Variants in XPNPEP1 observed in about 807,000 individuals in gnomAD.
XPNPEP1 encodes xaa-Pro aminopeptidase 1.
In XPNPEP1, 39 loss-of-function variants were observed where a neutral mutation model predicts 92.4. The ratio of observed to expected loss-of-function variants is 0.42; its 90% CI spans 0.33 to 0.55. The LOEUF (loss-of-function observed/expected upper bound fraction) is 0.55. XPNPEP1 is among the 20% of genes least tolerant of loss of function. The probability of loss-of-function intolerance (pLI) is 0.08; values close to 1 mark genes in which losing one functional copy is unlikely to be tolerated. For missense variants in XPNPEP1, 654 were observed against 856.1 expected (o/e 0.76, Z 2.95); for synonymous variants, 307 against 299.4 (o/e 1.03, Z -0.26).
chr10:109,882,663 G>A, intron 9 of XPNPEP1, 21 bp from the exon 10 acceptor site: 1 of 1,612,990 alleles, frequency 6.2e-7, no homozygotes, highest in Admixed American at 1.7e-5. Flanking sequence ...AGGAGAGGTG[G>A]GTGGCAGAAA....
chr10:109,902,773 C>T (rs1849353326), intron 3 of XPNPEP1, among the ~76,000 whole-genome samples: 1 of 152,208 alleles, frequency 6.6e-6, no homozygotes, highest in African/African-American at 2.4e-5. Context: ...TTTGTATTTT[C>T]AGGATGTTGC....
At position 109,864,852 on chromosome 10, in the gene XPNPEP1, C is replaced by T. The variant is rs1209564361; in HGVS notation, c.*332G>A. ...ATGAATGATGTACTAGCACCTGGAA[C>T]ATGACCATCATGGAGCACTCACTGA... On this transcript the variant is annotated 3_prime_UTR_variant, in exon 21 of 21. Coordinates refer to ENST00000502935, the MANE Select transcript of XPNPEP1 (RefSeq NM_020383.4). 3.0e-6 allele frequency: 1 copy of T among 334,032 alleles called. No individual in the cohort carries two copies. The highest frequency in any genetic ancestry group is 5.7e-6 in the Non-Finnish European group (1 of 174,042). 20.7% of individuals were successfully genotyped at this position (334,032 alleles called of 1,614,324 possible).
chr10:109,914,956 G>T, intron 2 of XPNPEP1, 55 bp downstream of exon 2: 1 of 1,202,502 alleles, frequency 8.3e-7, no homozygotes, highest in Non-Finnish European at 1.2e-6. Flanking sequence ...GGGTTGGGGT[G>T]GAGATCTAAA....
At position 109,875,516 on chromosome 10, in the gene XPNPEP1, T is replaced by C. The variant is rs1340011043; in HGVS notation, c.1391+12A>G. The C allele has an allele frequency of 1.9e-6, 3 of 1,613,630 alleles. No homozygotes were observed. The highest frequency in any genetic ancestry group is 2.5e-6 in the Non-Finnish European group (3 of 1,179,676). On this transcript the variant is annotated intron_variant, in intron 15 of 20. Transcript: ENST00000502935. ...CCATAGTCAAGTTCCACAGCAGTCC[T>C]GGTTTACTTACTTGTATTGAGCACC...
intron 20 of XPNPEP1, among the ~76,000 whole-genome samples, chr10:109,866,871 G>C (rs1488963159): frequency 6.6e-6 from 1 of 152,252 alleles, no homozygotes; most frequent in East Asian, 1.9e-4. Flanking sequence ...GCAAGGTGCA[G>C]CAATGAAACA....
At chr10:109,878,778 A>T (rs1028513767) in intron 12 of XPNPEP1, among the ~76,000 whole-genome samples, 1 of 151,876 alleles carries the variant, frequency 6.6e-6, no homozygotes, top group Non-Finnish European at 1.5e-5. Flanking sequence ...CGGGAGGCTG[A>T]GGTGGGAGGA....
In XPNPEP1 at chr10:109,873,537, T is replaced by C. The variant is rs1289052350; in HGVS notation, c.1392-110A>G. The C allele has an allele frequency of 3.1e-6, 4 of 1,299,306 alleles. No individual in the cohort carries two copies. The African/African-American group carries it at 5.8e-5, about 19-fold the overall frequency. 80.5% of individuals were successfully genotyped at this position (1,299,306 alleles called of 1,614,324 possible). A position where few individuals can be genotyped will look rare whatever the true frequency, so the allele number is the denominator to read the frequency against. ...AAGCCCCATACAATGCTGGTGGGCA[T>C]GTAAAATAGCACAGCCATCTTTGCA... On this transcript the variant is annotated intron_variant, in intron 15 of 20. Transcript: ENST00000502935.
chr10:109,873,523 A>G (rs1295226681), intron 15 of XPNPEP1, 96 bp from the exon 16 acceptor site: 2 of 1,442,898 alleles, frequency 1.4e-6, no homozygotes, highest in Non-Finnish European at 1.9e-6. Flanking sequence ...AGCCCCATAC[A>G]ATGCTGGTGG....
chr10:109,911,716 C>T (rs1228164860), intron 2 of XPNPEP1, among the ~76,000 whole-genome samples: 1 of 152,236 alleles, frequency 6.6e-6, no homozygotes, highest in Non-Finnish European at 1.5e-5. Context: ...CACATTAGGA[C>T]TATCCGGGAA....
At position 109,868,708 on chromosome 10, in the gene XPNPEP1, T is replaced by G. The variant is rs1203044265; in HGVS notation, c.1778A>C (p.Asn593Thr). ...VLVVPVKTKY[N>T]FNNRGSLTFE... ...GGTCAGGCTTCCCCGGTTATTAAAA[T>G]TATACTGCGGGAGAAAGAAGAAAAC... is the stretch of plus-strand genomic sequence containing the variant. The change falls in exon 20 of 21, where the codon AAT (asparagine) becomes ACT (threonine). Residue 593 changes from asparagine to threonine, a missense_variant. Asn to Thr is a moderately conservative substitution (Grantham distance 65). Coordinates refer to ENST00000502935, the MANE Select transcript of XPNPEP1 (RefSeq NM_020383.4). The G allele has an allele frequency of 6.2e-7, 1 of 1,613,664 alleles. No homozygotes were observed. Among genetic ancestry groups the G allele is most frequent in the South Asian group, 1.1e-5 (1 of 91,074 alleles).
At chr10:109,887,925 A>G in intron 7 of XPNPEP1, 124 bp downstream of exon 7, 1 of 1,386,676 alleles carries the variant, frequency 7.2e-7, no homozygotes, top group Non-Finnish European at 9.6e-7. Context: ...ACTGGGGCAG[A>G]GTAGGGCAAA....
intron 5 of XPNPEP1, among the ~76,000 whole-genome samples, chr10:109,890,611 A>T (rs1490287474): frequency 4.0e-5 from 6 of 151,596 alleles, no homozygotes; most frequent in Admixed American, 2.6e-4. Context: ...AGAGAGAGAG[A>T]GAGAGAGAGA....
Position 109,888,592 on chromosome 10 carries a change from A to T in XPNPEP1, c.419T>A (p.Leu140Gln). ...GTCTTCCTGAGTTGGTGTGTCCTTC[A>T]GACCTACAGGGGGAAGAAATGATAA... ...DSNWTLMKMG[L>Q]KDTPTQEDWL... The change falls in exon 6 of 21, where the codon CTG (leucine) becomes CAG (glutamine). Residue 140 changes from leucine to glutamine, a missense_variant. Leu to Gln is a moderately radical substitution (Grantham distance 113). Transcript: ENST00000502935. 1 of 1,602,794 alleles carries T rather than the reference A, an allele frequency of 6.2e-7. No homozygotes were observed. The highest frequency in any genetic ancestry group is 2.2e-5 in the East Asian group (1 of 44,572).
chr10:109,865,131 G>A lies in XPNPEP1; in HGVS notation c.*53C>T, dbSNP rs375975594. On this transcript the variant is annotated 3_prime_UTR_variant, in exon 21 of 21. Coordinates refer to ENST00000502935, the MANE Select transcript of XPNPEP1 (RefSeq NM_020383.4). ...GGGAAAGATGTCAGGGATCTGCCAC[G>A]TTTCTTCCTTCCTCCAGAGCATTTT... is the stretch of plus-strand genomic sequence containing the variant. 3.6e-5 allele frequency: 58 copies of A among 1,608,428 alleles called. No individual in the cohort carries two copies. The East Asian group carries it at 8.0e-4, about 22-fold the overall frequency.
intron 5 of XPNPEP1, among the ~76,000 whole-genome samples, chr10:109,888,826 A>C (rs1319405981): frequency 6.6e-6 from 1 of 152,210 alleles, no homozygotes; most frequent in Non-Finnish European, 1.5e-5. Flanking sequence ...GGTGAGACAG[A>C]AGGGAAAAAA....
chr10:109,905,297 C>T (rs1352945304), intron 3 of XPNPEP1, among the ~76,000 whole-genome samples: 2 of 152,080 alleles, frequency 1.3e-5, no homozygotes, highest in African/African-American at 4.8e-5. Context: ...GTAACCTCCG[C>T]CTCTCAGGAT....
In XPNPEP1 at chr10:109,891,841, A is replaced by G. The variant is rs774129645; in HGVS notation, c.311-15T>C. Reference sequence around the variant, plus strand: ...GATGGCTGTGCCTGAAGCAGGGGAGAAAAAAAAAAGAAGAAGAAAGGTTTC... The same window carrying G: ...GATGGCTGTGCCTGAAGCAGGGGAGGAAAAAAAAAGAAGAAGAAAGGTTTC... On this transcript the variant is annotated splice_polypyrimidine_tract_variant and intron_variant, in intron 4 of 20. Transcript: ENST00000502935. 1.5e-5 allele frequency: 21 copies of G among 1,440,082 alleles called. No homozygotes were observed. The highest frequency in any genetic ancestry group is 6.3e-5 in the South Asian group (5 of 79,992). 89.2% of individuals were successfully genotyped at this position (1,440,082 alleles called of 1,614,324 possible). A position where few individuals can be genotyped will look rare whatever the true frequency, so the allele number is the denominator to read the frequency against.
rs1302555992 is a variant in XPNPEP1, at chr10:109,895,804, C to A, written c.247-2729G>T. ...TTCTAATAGCAGCACTCAGTCCAAG[C>A]CTCCATCATCTCTACCTGGACTACC... On this transcript the variant is annotated intron_variant, in intron 3 of 20. Coordinates refer to ENST00000502935, the MANE Select transcript of XPNPEP1 (RefSeq NM_020383.4). Among the ~76,000 whole-genome samples, 2 of 152,240 alleles carry A rather than the reference C, an allele frequency of 1.3e-5. 1 individual carries two copies. Among genetic ancestry groups the A allele is most frequent in the East Asian group, 3.8e-4 (2 of 5,206 alleles).
chr10:109,876,943 G>C (rs556770060), intron 14 of XPNPEP1: 2 of 152,344 alleles, frequency 1.3e-5, no homozygotes, highest in South Asian at 4.1e-4. Flanking sequence ...CGGCCCTGTG[G>C]GTCCATGGGT....
Sources: allele counts gnomAD v4.1 joint callset (sites outside exome capture counted in the v4.1 genomes callset), GRCh38; gene constraint gnomAD v4.1.1; transcripts MANE v1.5; gene names NCBI Gene and HGNC (gene_info 2026-07-23, HGNC 2026-07-21).